Variants in TMEM71 observed in about 807,000 individuals in gnomAD.
The protein encoded by TMEM71 is transmembrane protein 71.
In TMEM71, 44 loss-of-function variants were observed where a neutral mutation model predicts 38.0. The observed-to-expected ratio is 1.16, with a 90% CI of 0.91 to 1.49. The LOEUF (loss-of-function observed/expected upper bound fraction) is 1.49, where lower values mean the gene tolerates loss of function less well. Ranked by LOEUF, TMEM71 falls within the 40% of genes most tolerant of loss-of-function variation. The pLI, the probability that TMEM71 is intolerant of heterozygous loss-of-function variation, is 0.00. For missense variants in TMEM71, 367 were observed against 348.6 expected, an observed-to-expected ratio of 1.05 and a Z score of -0.42; for synonymous variants, 133 against 122.5, an observed-to-expected ratio of 1.09 and a Z score of -0.56.
chr8:132,775,440 T>A, the TMEM71 span: 1 of 385,202 alleles, frequency 2.6e-6, no homozygotes, highest in Non-Finnish European at 4.6e-6. Flanking sequence ...CAGCGGACCC[T>A]GAGCGAGCTT....
intron 3 of TMEM71, 63 bp from the exon 4 acceptor site, chr8:132,752,060 A>G (rs567467677): frequency 1.8e-5 from 24 of 1,351,702 alleles, no homozygotes; most frequent in Middle Eastern, 2.2e-4. Context: ...CAAATAAACC[A>G]TGTCTCATCA....
At chr8:132,711,580 T>A (rs1306795978) in intron 9 of TMEM71, among the ~76,000 whole-genome samples, 2 of 152,306 alleles carry the variant, frequency 1.3e-5, no homozygotes, top group Admixed American at 6.5e-5. Flanking sequence ...AAATCATAAG[T>A]GTGCAAAACG....
the TMEM71 span, among the ~76,000 whole-genome samples, chr8:132,772,743 T>C: frequency 6.6e-6 from 1 of 152,216 alleles, no homozygotes; most frequent in African/African-American, 2.4e-5. Flanking sequence ...ATAAAAATCA[T>C]ATATATTTCA....
chr8:132,764,394 G>T (rs533556849), upstream of TMEM71, among the ~76,000 whole-genome samples: 284 of 152,074 alleles, frequency 1.9e-3, 1 homozygote, highest in South Asian at 0.013. Flanking sequence ...CCAAGCCATG[G>T]TCAGAATGAC....
At chr8:132,758,481 G>A (rs552883983) in intron 2 of TMEM71, 4 of 199,614 alleles carry the variant, frequency 2.0e-5, no homozygotes, top group East Asian at 1.5e-4. Flanking sequence ...AACCACTACC[G>A]TTTTAACAGC....
chr8:132,714,407 T>C (rs1476703114), intron 7 of TMEM71, among the ~76,000 whole-genome samples, 192 bp from the exon 8 acceptor site: 1 of 152,218 alleles, frequency 6.6e-6, no homozygotes, highest in Non-Finnish European at 1.5e-5. Context: ...AGTAGACTTA[T>C]GCAGATAGAG....
At chr8:132,764,026 C>T (rs1321617560), upstream of TMEM71, among the ~76,000 whole-genome samples, 1 of 152,196 alleles carries the variant, frequency 6.6e-6, no homozygotes, top group Non-Finnish European at 1.5e-5. Context: ...CTCTGGAACA[C>T]TGTGTCCCAT....
At chr8:132,740,761 A>G (rs1827991053) in intron 5 of TMEM71, among the ~76,000 whole-genome samples, 1 of 152,238 alleles carries the variant, frequency 6.6e-6, no homozygotes, top group Non-Finnish European at 1.5e-5. Flanking sequence ...GCCATTGCAC[A>G]GGGCTTCTTG....
chr8:132,748,730 G>A (rs895220951), intron 4 of TMEM71, among the ~76,000 whole-genome samples: 5 of 152,148 alleles, frequency 3.3e-5, no homozygotes, highest in African/African-American at 1.2e-4. Context: ...ATTATGGGAT[G>A]GGCACTCATC....
rs139482571 is a variant in TMEM71 at position 132,743,399 on chromosome 8, A to G, written c.487+3543T>C. Among the ~76,000 whole-genome samples the G allele has an allele frequency of 2.9e-3, 444 of 152,182 alleles. 4 individuals carry two copies. Among genetic ancestry groups the G allele is most frequent in the African/African-American group, 9.9e-3 (413 of 41,514 alleles). On this transcript the variant is annotated intron_variant, in intron 5 of 9. Coordinates refer to ENST00000677595, the MANE Select transcript of TMEM71 (RefSeq NM_001382403.1). ...AGGCAAATGAATCTGTTGAACACTC[A>G]GTCCTCATCCTATTTACCTTTCTAG... is the stretch of plus-strand genomic sequence containing the variant.
chr8:132,770,386 A>G, the TMEM71 span, among the ~76,000 whole-genome samples: 1 of 152,236 alleles, frequency 6.6e-6, no homozygotes, highest in East Asian at 1.9e-4. Context: ...GGTTTGGACC[A>G]GTCTTCACGC....
At chr8:132,766,244 G>A in the TMEM71 span, among the ~76,000 whole-genome samples, 1 of 152,080 alleles carries the variant, frequency 6.6e-6, no homozygotes, top group African/African-American at 2.4e-5. Flanking sequence ...GGCTTTTAAA[G>A]CTTTTCAGAG....
chr8:132,743,944 C>A (rs1828194220), intron 5 of TMEM71, among the ~76,000 whole-genome samples: 2 of 152,174 alleles, frequency 1.3e-5, no homozygotes, highest in African/African-American at 2.4e-5. Flanking sequence ...CATTGTCTAG[C>A]ACTGATCTCC....
Position 132,727,872 on chromosome 8 carries a change from T to A in TMEM71, c.602A>T (p.Asn201Ile). 1 of 1,613,962 alleles carries A rather than the reference T, an allele frequency of 6.2e-7. No individual in the cohort carries two copies. Among genetic ancestry groups the A allele is most frequent in the Non-Finnish European group, 8.5e-7 (1 of 1,179,976 alleles). The change falls in exon 6 of 10, where the codon AAC becomes ATC. Residue 201 changes from asparagine to isoleucine, a missense_variant. Transcript: ENST00000677595. ...SHIISQPPGGNSHSLSLQSQL... is the reference protein window; with the variant it reads ...SHIISQPPGGISHSLSLQSQL... ...GGACTGAAGAGACAAGCTATGGGAG[T>A]TTCCTCCAGGAGGCTGAGATATGAT...
At chr8:132,743,370 C>G (rs1828156521) in intron 5 of TMEM71, among the ~76,000 whole-genome samples, 1 of 152,092 alleles carries the variant, frequency 6.6e-6, no homozygotes, top group African/African-American at 2.4e-5. Context: ...TACCAGTCAC[C>G]CCCAGGCAAA....
intron 5 of TMEM71, among the ~76,000 whole-genome samples, chr8:132,736,001 T>G (rs1827725674): frequency 6.6e-6 from 1 of 152,212 alleles, no homozygotes; most frequent in African/African-American, 2.4e-5. Flanking sequence ...AGCAGAAAGC[T>G]CTGAGCCTGT....
At chr8:132,707,982 A>G (rs978701542), downstream of TMEM71, among the ~76,000 whole-genome samples, 20 of 152,176 alleles carry the variant, frequency 1.3e-4, no homozygotes, top group African/African-American at 4.3e-4. Context: ...GACTAAATAT[A>G]TATTTACTGA....
chr8:132,768,908 G>C, the TMEM71 span, among the ~76,000 whole-genome samples: 14 of 152,256 alleles, frequency 9.2e-5, no homozygotes, highest in African/African-American at 3.4e-4. Flanking sequence ...ACCAGTTAGA[G>C]CCCAAATGCT....
At chr8:132,729,810 C>T (rs1827351265) in intron 5 of TMEM71, among the ~76,000 whole-genome samples, 1 of 152,118 alleles carries the variant, frequency 6.6e-6, no homozygotes, top group Non-Finnish European at 1.5e-5. Context: ...ACTCAAAATG[C>T]TATTTCCTCA....
Sources: allele counts gnomAD v4.1 joint callset (sites outside exome capture counted in the v4.1 genomes callset), GRCh38; gene constraint gnomAD v4.1.1; transcripts MANE v1.5; gene names NCBI Gene and HGNC (gene_info 2026-07-23, HGNC 2026-07-21).